CCSER2: variants seen among roughly 807,000 people sequenced by gnomAD.
CCSER2 encodes the protein coiled-coil serine rich protein 2, also known as serine-rich coiled-coil domain-containing protein 2.
Under a neutral mutation model 92.3 loss-of-function variants are expected in CCSER2, and 46 were observed. The ratio of observed to expected loss-of-function variants is 0.50; its 90% CI spans 0.39 to 0.64. CCSER2 has a LOEUF of 0.64. CCSER2 is among the 30% of genes least tolerant of loss of function. CCSER2 has a pLI of 0.00. For synonymous variants in CCSER2, 433 were observed against 431.4 expected (o/e 1.00, Z -0.04); for missense variants, 1,244 against 1,238.9 (o/e 1.00, Z -0.06).
chr10:84,480,248 C>G (rs906398667), intron 9 of CCSER2, among the ~76,000 whole-genome samples: 2 of 151,996 alleles, frequency 1.3e-5, no homozygotes, highest in African/African-American at 4.8e-5. Flanking sequence ...GTCTCACACT[C>G]CTGGGCTCAG....
chr10:84,466,661 C>A (rs1483822585), intron 7 of CCSER2, among the ~76,000 whole-genome samples: 2 of 151,362 alleles, frequency 1.3e-5, no homozygotes, highest in Non-Finnish European at 1.5e-5. Context: ...CCCGCCGCCA[C>A]GCCTGGCTAA....
chr10:84,393,451 A>ACTGC (rs1346948852), intron 3 of CCSER2, among the ~76,000 whole-genome samples: 1 of 152,208 alleles, frequency 6.6e-6, no homozygotes, highest in African/African-American at 2.4e-5. Context: ...CACTCAACAT[A>ACTGC]CTGCCTTCTA....
chr10:84,352,633 A>G (rs930211177), intron 1 of CCSER2, among the ~76,000 whole-genome samples: 1 of 151,978 alleles, frequency 6.6e-6, no homozygotes, highest in Non-Finnish European at 1.5e-5. Flanking sequence ...CTCTTACCAT[A>G]TTAAGTGCCA....
chr10:84,387,577 G>A (rs1028257010), intron 3 of CCSER2, among the ~76,000 whole-genome samples: 10 of 151,582 alleles, frequency 6.6e-5, no homozygotes, highest in African/African-American at 2.4e-4. Context: ...GGCCCAGGCT[G>A]GAGTGCAGTG....
At chr10:84,364,915 T>C (rs1237917005) in intron 1 of CCSER2, among the ~76,000 whole-genome samples, 1 of 151,962 alleles carries the variant, frequency 6.6e-6, no homozygotes, top group Non-Finnish European at 1.5e-5. Context: ...CTAATTTTTG[T>C]ATTTGTGGCA....
intron 6 of CCSER2, among the ~76,000 whole-genome samples, chr10:84,445,476 C>T (rs1222734077): frequency 6.6e-6 from 1 of 152,118 alleles, no homozygotes; most frequent in African/African-American, 2.4e-5. Context: ...GTCTCTATAC[C>T]CTGTTTCAAA....
At chr10:84,392,813 C>T (rs1365016358) in intron 3 of CCSER2, among the ~76,000 whole-genome samples, 1 of 152,102 alleles carries the variant, frequency 6.6e-6, no homozygotes, top group Non-Finnish European at 1.5e-5. Context: ...CTAAAGATGA[C>T]ATCTTAATTT....
In CCSER2 at chr10:84,463,934, A is replaced by G; in HGVS notation, c.2066A>G (p.His689Arg). Residue 689 changes from histidine (H) to arginine (R), a missense_variant and splice_region_variant, in exon 7 of 10, where the codon CAT becomes CGT. His to Arg is a conservative substitution (Grantham distance 29, BLOSUM62 0). Transcript: ENST00000372088. ...LLKLKRLLHQ[H>R]DGSGSLHDIQ... ...TTTTTCTTCCCTTCTTTCTGACAGC[A>G]TGATGGAAGTGGTTCATTGCATGAT... The G allele has an allele frequency of 2.5e-6, 4 of 1,601,354 alleles. No homozygotes were observed. Among genetic ancestry groups the G allele is most frequent in the Non-Finnish European group, 3.4e-6 (4 of 1,169,210 alleles).
intron 3 of CCSER2, among the ~76,000 whole-genome samples, chr10:84,387,920 A>G (rs959237789): frequency 4.0e-5 from 6 of 150,846 alleles, no homozygotes; most frequent in African/African-American, 1.5e-4. Context: ...CTAGAGTGCA[A>G]TGGCACGATC....
chr10:84,349,396 G>A (rs1264251405), intron 1 of CCSER2, among the ~76,000 whole-genome samples: 1 of 152,050 alleles, frequency 6.6e-6, no homozygotes, highest in Non-Finnish European at 1.5e-5. Flanking sequence ...CTATTGGCTG[G>A]GTGCAGTGGT....
intron 9 of CCSER2, among the ~76,000 whole-genome samples, chr10:84,513,133 G>C (rs549521542): frequency 8.8e-4 from 133 of 151,940 alleles, no homozygotes; most frequent in Non-Finnish European, 3.1e-4. Flanking sequence ...CAAGCTCTAA[G>C]GTTTAAAATA....
intron 9 of CCSER2, among the ~76,000 whole-genome samples, chr10:84,497,182 G>C (rs1848499554): frequency 6.6e-6 from 1 of 152,220 alleles, no homozygotes; most frequent in South Asian, 2.1e-4. Flanking sequence ...TTATAAACAA[G>C]AATGATCATA....
chr10:84,501,822 GA>G (rs11461623), intron 9 of CCSER2, among the ~76,000 whole-genome samples: 626 of 29,006 alleles, frequency 0.022, 89 homozygotes, highest in South Asian at 0.056. Context: ...GTCATCTAGG[GA>G]AAAAAAAAAA....
intron 3 of CCSER2, among the ~76,000 whole-genome samples, chr10:84,390,498 T>G (rs1841460725): frequency 6.6e-6 from 1 of 152,220 alleles, no homozygotes; most frequent in South Asian, 2.1e-4. Context: ...AATAACGATA[T>G]TTGTGTATCT....
At chr10:84,392,799 C>CA (rs1366955191) in intron 3 of CCSER2, among the ~76,000 whole-genome samples, 1 of 152,080 alleles carries the variant, frequency 6.6e-6, no homozygotes, top group African/African-American at 2.4e-5. Context: ...CTTGGTATAT[C>CA]AAACTAAAGA....
At chr10:84,331,171 A>T (rs1219491851) in intron 1 of CCSER2, among the ~76,000 whole-genome samples, 1 of 152,220 alleles carries the variant, frequency 6.6e-6, no homozygotes, top group African/African-American at 2.4e-5. Context: ...GAGATTGCTT[A>T]GGCTCACCTA....
chr10:84,476,444 T>C (rs1847145992), intron 8 of CCSER2, among the ~76,000 whole-genome samples: 1 of 125,862 alleles, frequency 7.9e-6, no homozygotes, highest in South Asian at 2.9e-4. Flanking sequence ...TCTTTTTTTT[T>C]TTTTTTTTTT....
chr10:84,423,069 A>T (rs1843233138), intron 4 of CCSER2, among the ~76,000 whole-genome samples: 1 of 152,024 alleles, frequency 6.6e-6, no homozygotes, highest in Admixed American at 6.6e-5. Context: ...AAAAAAAAAA[A>T]ATTGTCTCTG....
chr10:84,336,917 T>C (rs1224934645), intron 1 of CCSER2, among the ~76,000 whole-genome samples: 1 of 152,194 alleles, frequency 6.6e-6, no homozygotes, highest in Non-Finnish European at 1.5e-5. Context: ...GAGCCAACAA[T>C]TTAATGATGG....
Sources: gnomAD v4.1 joint callset for allele counts (sites outside exome capture counted in the v4.1 genomes callset) on GRCh38, gnomAD v4.1.1 for gene constraint, MANE v1.5 for transcripts, NCBI Gene and HGNC (gene_info 2026-07-23, HGNC 2026-07-21) for gene names.